The following MRPL13 variants were observed in gnomAD, a reference collection of about 807,000 sequenced individuals.
The protein encoded by MRPL13 is mitochondrial ribosomal protein L13.
Under a neutral mutation model 29.0 loss-of-function variants are expected in MRPL13, and 33 were observed. That is an observed-to-expected ratio of 1.14 (90% CI 0.86 to 1.52). The LOEUF (loss-of-function observed/expected upper bound fraction) is 1.52. Ranked by LOEUF, MRPL13 falls within the 40% of genes most tolerant of loss-of-function variation. MRPL13 has a pLI of 0.00. For missense variants in MRPL13, 227 were observed against 216.7 expected, an observed-to-expected ratio of 1.05 and a Z score of -0.30; for synonymous variants, 77 against 68.4, an observed-to-expected ratio of 1.13 and a Z score of -0.62.
In MRPL13 at chr8:120,418,288, C is replaced by T. The variant is rs575168285; in HGVS notation, c.393+1564G>A. ...CGATAATTTATTTCCTATGAATAAGCATTATTTGTTTTTCTTATTGTACCA... is the reference window on the plus strand; with the variant it reads ...CGATAATTTATTTCCTATGAATAAGTATTATTTGTTTTTCTTATTGTACCA... On this transcript the variant is annotated intron_variant, in intron 5 of 6. Transcript: ENST00000306185. Among the ~76,000 whole-genome samples the T allele has an allele frequency of 7.3e-4, 111 of 152,048 alleles. 1 individual carries two copies. The highest frequency in any genetic ancestry group is 2.6e-3 in the African/African-American group (106 of 41,490).
chr8:120,422,201 A>G (rs1199405131), intron 4 of MRPL13, among the ~76,000 whole-genome samples: 3 of 151,762 alleles, frequency 2.0e-5, no homozygotes, highest in Admixed American at 2.0e-4. Context: ...TACCAAACAA[A>G]TGGTTGTATC....
rs1813003180 is a variant in MRPL13 at position 120,432,092 on chromosome 8, G to A, written c.183C>T (p.Asn61=). The change falls in exon 3 of 7, where the codon AAC becomes AAT. Residue 61 remains asparagine (N), a synonymous_variant. Transcript: ENST00000306185. ...SDCGDHVVIM[N]TRHIAFSGNK... is the part of the protein sequence containing the mutation. ...TTCCAGAAAATGCAATGTGTCTTGT[G>A]TTCATTATAACAACATGATCCCCAC... 6.2e-7 allele frequency: 1 copy of A among 1,606,176 alleles called. No homozygotes were observed.
chr8:120,409,494 T>G lies in MRPL13; in HGVS notation c.515+4497A>C, dbSNP rs552660178. Among the ~76,000 whole-genome samples the G allele has an allele frequency of 1.1e-4, 16 of 152,256 alleles. No individual in the cohort carries two copies. The South Asian group carries it at 3.3e-3, about 32-fold the overall frequency. ...AACAATTGATAGTATTAAAATAAAT[T>G]GACCATTTTAAAGCTACAATCTTAA... is the stretch of plus-strand genomic sequence containing the variant. On this transcript the variant is annotated intron_variant, in intron 6 of 6. Coordinates refer to ENST00000306185, the MANE Select transcript of MRPL13 (RefSeq NM_014078.6).
chr8:120,436,655 T>C (rs1813058383), intron 2 of MRPL13, among the ~76,000 whole-genome samples: 1 of 152,190 alleles, frequency 6.6e-6, no homozygotes, highest in African/African-American at 2.4e-5. Flanking sequence ...TGATTTAGCA[T>C]AGTGGTTTTT....
At chr8:120,417,606 T>C (rs1274630267) in intron 5 of MRPL13, among the ~76,000 whole-genome samples, 1 of 152,170 alleles carries the variant, frequency 6.6e-6, no homozygotes, top group East Asian at 1.9e-4. Context: ...TCCCTTATTA[T>C]TACCATGTGT....
intron 6 of MRPL13, among the ~76,000 whole-genome samples, chr8:120,410,840 G>C (rs1188738468): frequency 6.6e-6 from 1 of 151,620 alleles, no homozygotes; most frequent in Non-Finnish European, 1.5e-5. Context: ...GGAGTGCAAT[G>C]GTGCGATCTC....
At chr8:120,419,635 C>G in intron 5 of MRPL13, 1 of 303,422 alleles carries the variant, frequency 3.3e-6, no homozygotes. Context: ...TAAAAACTTA[C>G]TTTTAATTTT....
chr8:120,439,878 T>G (rs1813098494), intron 2 of MRPL13, among the ~76,000 whole-genome samples: 1 of 152,204 alleles, frequency 6.6e-6, no homozygotes, highest in Non-Finnish European at 1.5e-5. Context: ...TCCTCTTAGC[T>G]CCATAGATCC....
At chr8:120,444,428 C>G (rs1170957869) in intron 1 of MRPL13, among the ~76,000 whole-genome samples, 1 of 152,140 alleles carries the variant, frequency 6.6e-6, no homozygotes, top group African/African-American at 2.4e-5. Context: ...AACCAAAAAA[C>G]CTTGGGGTAA....
chr8:120,404,422 T>G (rs937060862), intron 6 of MRPL13, among the ~76,000 whole-genome samples: 14 of 152,232 alleles, frequency 9.2e-5, no homozygotes, highest in Non-Finnish European at 7.3e-5. Context: ...GACATTGACC[T>G]CAAAGCAAAT....
rs192481363 is a variant in MRPL13, at chr8:120,434,060, T to C, written c.152-1937A>G. On this transcript the variant is annotated intron_variant, in intron 2 of 6. Coordinates refer to ENST00000306185, the MANE Select transcript of MRPL13 (RefSeq NM_014078.6). ...AACTTTATCTGACTCCTCAGTATAA[T>C]ACTAGGTGCTCAATTAAATGGCCAA... 2.0e-5 allele frequency among the ~76,000 whole-genome samples: 3 copies of C among 152,202 alleles called. No homozygotes were observed. In the East Asian group the frequency reaches 5.8e-4, roughly 29 times the overall value.
At chr8:120,444,575 C>T (rs1483357623) in intron 1 of MRPL13, among the ~76,000 whole-genome samples, 2 of 152,164 alleles carry the variant, frequency 1.3e-5, no homozygotes, top group Non-Finnish European at 2.9e-5. Context: ...TCACGTCTCG[C>T]CTGGATTACT....
intron 4 of MRPL13, among the ~76,000 whole-genome samples, chr8:120,424,513 C>A (rs1667828568): frequency 6.6e-6 from 1 of 152,000 alleles, no homozygotes; most frequent in African/African-American, 2.4e-5. Flanking sequence ...CGCCTGTAAT[C>A]CCAGCACTTG....
At chr8:120,429,029 T>C (rs1812966149) in intron 3 of MRPL13, among the ~76,000 whole-genome samples, 1 of 152,114 alleles carries the variant, frequency 6.6e-6, no homozygotes. Context: ...TGTTCTATTA[T>C]GAAGACACAT....
chr8:120,421,021 C>T (rs1812866800), intron 4 of MRPL13, among the ~76,000 whole-genome samples: 1 of 151,598 alleles, frequency 6.6e-6, no homozygotes, highest in African/African-American at 2.4e-5. Flanking sequence ...ACAACATGTA[C>T]ATGCAAAAAA....
chr8:120,424,982 C>T (rs7000801), intron 4 of MRPL13, among the ~76,000 whole-genome samples: 86,125 of 151,732 alleles, frequency 0.57, 26,495 homozygotes, highest in Non-Finnish European at 0.69. Context: ...AATATATGTA[C>T]ACACATACAT....
At chr8:120,442,563 C>A (rs1813136115) in intron 2 of MRPL13, among the ~76,000 whole-genome samples, 2 of 152,126 alleles carry the variant, frequency 1.3e-5, no homozygotes, top group Admixed American at 1.3e-4. Flanking sequence ...TCAATTGCAG[C>A]AAATGCTGTT....
intron 6 of MRPL13, among the ~76,000 whole-genome samples, chr8:120,400,771 A>G (rs1469617861): frequency 6.6e-6 from 1 of 151,776 alleles, no homozygotes; most frequent in Non-Finnish European, 1.5e-5. Context: ...TTAGACTAAT[A>G]AAGGAGAAGA....
intron 3 of MRPL13, 74 bp from the exon 4 acceptor site, chr8:120,425,440 A>G (rs2130473372): frequency 9.9e-7 from 1 of 1,005,292 alleles, no homozygotes; most frequent in Non-Finnish European, 1.5e-6. Context: ...ATTCTTTTAT[A>G]AGAAAACTAT....
Sources: allele counts gnomAD v4.1 joint callset (sites outside exome capture counted in the v4.1 genomes callset), GRCh38; gene constraint gnomAD v4.1.1; transcripts MANE v1.5; gene names NCBI Gene and HGNC (gene_info 2026-07-23, HGNC 2026-07-21).